GPC6: variants seen among roughly 807,000 people sequenced by gnomAD.
The protein encoded by GPC6 is glypican 6.
Under a neutral mutation model 55.2 loss-of-function variants are expected in GPC6, and 14 were observed. That is an observed-to-expected ratio of 0.25 (90% CI 0.17 to 0.40). The LOEUF is 0.40. Ranked by LOEUF, GPC6 falls within the 10% of genes least tolerant of loss-of-function variation. GPC6 has a pLI of 1.00. For missense variants in GPC6, 641 were observed against 708.5 expected (o/e 0.90, Z 1.08); for synonymous variants, 278 against 259.6 (o/e 1.07, Z -0.68).
At chr13:94,320,369 C>A (rs1289555606) in intron 6 of GPC6, among the ~76,000 whole-genome samples, 1 of 152,080 alleles carries the variant, frequency 6.6e-6, no homozygotes, top group African/African-American at 2.4e-5. Flanking sequence ...CTGGTCTCAT[C>A]TGGTATTTCT....
At chr13:93,717,324 T>A (rs1883285928) in intron 2 of GPC6, among the ~76,000 whole-genome samples, 1 of 151,714 alleles carries the variant, frequency 6.6e-6, no homozygotes, top group African/African-American at 2.4e-5. Flanking sequence ...TTCTTTAAAA[T>A]TCTGATTTAA....
At chr13:94,267,467 A>G (rs1891854644) in intron 4 of GPC6, among the ~76,000 whole-genome samples, 1 of 152,206 alleles carries the variant, frequency 6.6e-6, no homozygotes, top group African/African-American at 2.4e-5. Context: ...TGCAAGCAGT[A>G]GACACATCTT....
intron 2 of GPC6, among the ~76,000 whole-genome samples, chr13:93,665,315 T>C (rs1055214433): frequency 6.6e-6 from 1 of 152,218 alleles, no homozygotes; most frequent in Non-Finnish European, 1.5e-5. Context: ...TCAAGATATA[T>C]TGATAAATGT....
chr13:93,628,002 G>A (rs1311949723), intron 2 of GPC6, among the ~76,000 whole-genome samples: 1 of 152,156 alleles, frequency 6.6e-6, no homozygotes, highest in Non-Finnish European at 1.5e-5. Flanking sequence ...CTACATTGAG[G>A]TTACCTCAAA....
chr13:93,760,215 C>A (rs958939778), intron 2 of GPC6, among the ~76,000 whole-genome samples: 2 of 152,096 alleles, frequency 1.3e-5, no homozygotes, highest in African/African-American at 4.8e-5. Flanking sequence ...AACTAATAGT[C>A]CAGTGCAAGA....
chr13:93,521,956 C>T (rs1424104375), intron 1 of GPC6, among the ~76,000 whole-genome samples: 1 of 151,952 alleles, frequency 6.6e-6, no homozygotes, highest in Non-Finnish European at 1.5e-5. Context: ...CATAGAAAGA[C>T]TAGGTTTTAT....
intron 6 of GPC6, among the ~76,000 whole-genome samples, chr13:94,369,585 C>A (rs1566727194): frequency 6.6e-6 from 1 of 152,138 alleles, no homozygotes; most frequent in Non-Finnish European, 1.5e-5. Flanking sequence ...GGGATTTATT[C>A]CATTTTTAAT....
Position 93,726,570 on chromosome 13 carries a change from C to A in GPC6, c.320-103584C>A, listed in dbSNP as rs1202389527. ...CTTCTAAGGTCAGATGTATGTAGAT[C>A]TGCAAATCTGTAACATCTCCACTTT... On this transcript the variant is annotated intron_variant, in intron 2 of 8. Coordinates refer to ENST00000377047, the MANE Select transcript of GPC6 (RefSeq NM_005708.5). Among the ~76,000 whole-genome samples the A allele has an allele frequency of 2.6e-5, 4 of 152,076 alleles. No homozygotes were observed. The South Asian group carries it at 6.2e-4, about 24-fold the overall frequency.
At chr13:93,970,250 C>T (rs182397864) in intron 3 of GPC6, among the ~76,000 whole-genome samples, 75 of 151,922 alleles carry the variant, frequency 4.9e-4, no homozygotes, top group Middle Eastern at 3.4e-3. Context: ...TAACCTGTCA[C>T]GAAAAAAATT....
chr13:94,041,614 A>G (rs755302085), intron 4 of GPC6, among the ~76,000 whole-genome samples: 4 of 151,816 alleles, frequency 2.6e-5, no homozygotes, highest in African/African-American at 4.8e-5. Flanking sequence ...AACATACACA[A>G]TCTTTTCTGG....
At chr13:93,691,753 G>C (rs1320124867) in intron 2 of GPC6, among the ~76,000 whole-genome samples, 1 of 151,822 alleles carries the variant, frequency 6.6e-6, no homozygotes, top group African/African-American at 2.4e-5. Flanking sequence ...CATTGACTAT[G>C]TTATGATAAG....
intron 1 of GPC6, among the ~76,000 whole-genome samples, chr13:93,294,786 AT>A (rs1878429490): frequency 6.6e-6 from 1 of 152,026 alleles, no homozygotes; most frequent in Admixed American, 6.6e-5. Context: ...CTGTGTCTTT[AT>A]TTTTGGCCCA....
chr13:93,747,392 G>A (rs1033673851), intron 2 of GPC6, among the ~76,000 whole-genome samples: 1 of 152,116 alleles, frequency 6.6e-6, no homozygotes, highest in East Asian at 1.9e-4. Flanking sequence ...GTATCTTCCT[G>A]AAACACACTA....
intron 2 of GPC6, among the ~76,000 whole-genome samples, chr13:93,713,718 A>AC (rs962332005): frequency 1.3e-5 from 2 of 151,506 alleles, no homozygotes; most frequent in Non-Finnish European, 3.0e-5. Flanking sequence ...ATTTGTAAAA[A>AC]AAATGAGCTG....
At chr13:94,032,741 C>T (rs1164524847) in intron 4 of GPC6, among the ~76,000 whole-genome samples, 1 of 152,170 alleles carries the variant, frequency 6.6e-6, no homozygotes, top group African/African-American at 2.4e-5. Flanking sequence ...AAGCCTTGGG[C>T]ACTCATAGAC....
At chr13:93,988,042 CCTT>C (rs1249094254) in intron 3 of GPC6, among the ~76,000 whole-genome samples, 2 of 152,126 alleles carry the variant, frequency 1.3e-5, no homozygotes, top group African/African-American at 4.8e-5. Flanking sequence ...TGCATCTACT[CCTT>C]CTTCACTGTC....
At chr13:93,846,947 T>C (rs1284012678) in intron 3 of GPC6, among the ~76,000 whole-genome samples, 1 of 152,138 alleles carries the variant, frequency 6.6e-6, no homozygotes, top group African/African-American at 2.4e-5. Context: ...ATTTAAAATA[T>C]CTCCCTAGGA....
chr13:93,353,276 T>A (rs867220405), intron 1 of GPC6, among the ~76,000 whole-genome samples: 3 of 152,146 alleles, frequency 2.0e-5, no homozygotes, highest in Admixed American at 6.5e-5. Flanking sequence ...TGGGATTAGA[T>A]GCCTTCACCT....
chr13:94,242,739 T>C (rs1459852829), intron 4 of GPC6, among the ~76,000 whole-genome samples: 2 of 152,064 alleles, frequency 1.3e-5, no homozygotes, highest in African/African-American at 2.4e-5. Context: ...GATCATTTTG[T>C]GGGGTTGTGA....
Sources: allele counts gnomAD v4.1 joint callset (sites outside exome capture counted in the v4.1 genomes callset), GRCh38; gene constraint gnomAD v4.1.1; transcripts MANE v1.5; gene names NCBI Gene and HGNC (gene_info 2026-07-23, HGNC 2026-07-21).